The following TEX52 variants were observed in gnomAD, a reference collection of about 807,000 sequenced individuals.
TEX52 encodes testis expressed 52, also known as testis-expressed protein 52.
In TEX52, 22 loss-of-function variants were observed where a neutral mutation model predicts 17.6. That is an observed-to-expected ratio of 1.25 (90% CI 0.89 to 1.78). TEX52 has a LOEUF of 1.78. TEX52 is among the 40% of genes most tolerant of loss of function. The probability of loss-of-function intolerance (pLI) is 0.00; values close to 1 mark genes in which losing one functional copy is unlikely to be tolerated. For missense variants in TEX52, 396 were observed against 372.3 expected, an observed-to-expected ratio of 1.06 and a Z score of -0.52; for synonymous variants, 168 against 147.4, an observed-to-expected ratio of 1.14 and a Z score of -1.01.
chr12:2,853,568 C>T (rs11062384), intron 2 of TEX52, among the ~76,000 whole-genome samples: 22,041 of 151,688 alleles, frequency 0.15, 1,684 homozygotes, highest in South Asian at 0.29. Flanking sequence ...CCACCAGGCC[C>T]GGCCTGTTTT....
chr12:2,849,855 C>T (rs899888585), intron 2 of TEX52, among the ~76,000 whole-genome samples: 1 of 152,202 alleles, frequency 6.6e-6, no homozygotes, highest in African/African-American at 2.4e-5. Flanking sequence ...TCCACTAATG[C>T]AGTGACAGTG....
chr12:2,852,458 C>G (rs2098074159), intron 2 of TEX52, among the ~76,000 whole-genome samples: 1 of 152,140 alleles, frequency 6.6e-6, no homozygotes, highest in Non-Finnish European at 1.5e-5. Flanking sequence ...CCTCGACCTC[C>G]TGGGCTCAGA....
chr12:2,847,957 G>A (rs1469083319), downstream of TEX52, among the ~76,000 whole-genome samples: 1 of 152,180 alleles, frequency 6.6e-6, no homozygotes, highest in Non-Finnish European at 1.5e-5. Flanking sequence ...CTGATTGACA[G>A]CTTCATTTCT....
chr12:2,848,589 G>A (rs2098059659), downstream of TEX52, among the ~76,000 whole-genome samples: 1 of 152,076 alleles, frequency 6.6e-6, no homozygotes, highest in Admixed American at 6.6e-5. Context: ...GACCTGGTTA[G>A]CCTTCCTGGG....
chr12:2,853,714 C>A (rs181974370), intron 2 of TEX52, among the ~76,000 whole-genome samples: 9 of 152,110 alleles, frequency 5.9e-5, no homozygotes, highest in Admixed American at 5.9e-4. Context: ...TCATTGCCTT[C>A]CCCCTTTCTT....
intron 2 of TEX52, among the ~76,000 whole-genome samples, chr12:2,853,693 G>A (rs898164082): frequency 6.6e-6 from 1 of 152,052 alleles, no homozygotes; most frequent in Non-Finnish European, 1.5e-5. Flanking sequence ...TGGAATTTGA[G>A]ACATTCCTTT....
chr12:2,850,301 C>G (rs1458885210), intron 2 of TEX52, among the ~76,000 whole-genome samples: 3 of 151,968 alleles, frequency 2.0e-5, no homozygotes, highest in Non-Finnish European at 4.4e-5. Context: ...TGATGAAACT[C>G]CGTCTCTACT....
intron 1 of TEX52, 127 bp downstream of exon 1, chr12:2,856,828 G>A: frequency 1.5e-6 from 1 of 653,180 alleles, no homozygotes; most frequent in Admixed American, 2.3e-5. Flanking sequence ...ATGAAAAGGG[G>A]AAGACAGCAG....
downstream of TEX52, chr12:2,848,987 G>A (rs1813660629): frequency 2.0e-6 from 1 of 497,622 alleles, no homozygotes; most frequent in Admixed American, 3.7e-5. Context: ...CAGCCTCCTG[G>A]CCGCAGTCCT....
At chr12:2,855,787 T>G (rs551827886) in intron 1 of TEX52, among the ~76,000 whole-genome samples, 2 of 152,278 alleles carry the variant, frequency 1.3e-5, no homozygotes, top group South Asian at 2.1e-4. Flanking sequence ...CTGGTGCTCC[T>G]TAGAGGGCAC....
intron 1 of TEX52, among the ~76,000 whole-genome samples, chr12:2,856,373 T>C (rs2098087294): frequency 1.3e-5 from 2 of 152,168 alleles, no homozygotes; most frequent in Admixed American, 6.5e-5. Flanking sequence ...CAGGGATGTT[T>C]TCTTTTTTTA....
intron 2 of TEX52, among the ~76,000 whole-genome samples, chr12:2,850,978 CTTTTT>C (rs35125854): frequency 1.2e-5 from 1 of 81,666 alleles, no homozygotes; most frequent in African/African-American, 5.5e-5. Flanking sequence ...GGCCCAGAGT[CTTTTT>C]TTTTTTTTTT....
At chr12:2,853,019 A>AAC (rs1565450590) in intron 2 of TEX52, among the ~76,000 whole-genome samples, 49 of 142,830 alleles carry the variant, frequency 3.4e-4, no homozygotes, top group African/African-American at 1.2e-3. Flanking sequence ...GAAACAACAA[A>AAC]AAAAAACGGG....
intron 1 of TEX52, among the ~76,000 whole-genome samples, chr12:2,856,460 G>A (rs1264761607): frequency 5.3e-5 from 8 of 152,162 alleles, no homozygotes; most frequent in Admixed American, 5.2e-4. Context: ...CCACCTCCCG[G>A]GTTCAAGTGA....
At chr12:2,855,607 T>C (rs1222437725) in intron 1 of TEX52, among the ~76,000 whole-genome samples, 161 bp from the exon 2 acceptor site, 1 of 152,202 alleles carries the variant, frequency 6.6e-6, no homozygotes, top group African/African-American at 2.4e-5. Flanking sequence ...ATCCCTCTCC[T>C]TCCCGGCGGA....
chr12:2,854,517 T>C (rs1011780232), intron 2 of TEX52, among the ~76,000 whole-genome samples: 3 of 152,212 alleles, frequency 2.0e-5, no homozygotes, highest in African/African-American at 7.2e-5. Flanking sequence ...ACTCCAGTTC[T>C]TTACATTAAT....
rs117927346 is a variant in TEX52 at position 2,855,059 on chromosome 12, T to C, written c.460A>G (p.Ile154Val). The change falls in exon 2 of 3, where the codon ATC (isoleucine) becomes GTC (valine). Residue 154 changes from isoleucine (I) to valine (V), a missense_variant. By Grantham distance (29) the Ile-to-Val change is conservative (BLOSUM62 3). Coordinates refer to ENST00000637658, the MANE Select transcript of TEX52 (RefSeq NM_001365174.2). Reference protein sequence around the residue: ...WMGQNSFLTFIHCYPTFVDMK... With the variant: ...WMGQNSFLTFVHCYPTFVDMK... ...TCCACAAACGTGGGATAACAGTGGATGAAGGTCAGGAAGCTGTTTTGCCCC... is the reference window on the plus strand; with the variant it reads ...TCCACAAACGTGGGATAACAGTGGACGAAGGTCAGGAAGCTGTTTTGCCCC... 2.6e-6 allele frequency: 4 copies of C among 1,535,712 alleles called. No individual in the cohort carries two copies. The East Asian group carries it at 9.8e-5, about 38-fold the overall frequency.
intron 2 of TEX52, among the ~76,000 whole-genome samples, chr12:2,854,059 CTT>C (rs1565451785): frequency 6.6e-6 from 1 of 152,198 alleles, no homozygotes; most frequent in Non-Finnish European, 1.5e-5. Flanking sequence ...GAGTTTCTCT[CTT>C]GTTGCCCCGG....
At chr12:2,848,895 A>ACG (rs2098061089), downstream of TEX52, 2 of 332,630 alleles carry the variant, frequency 6.0e-6, no homozygotes, top group African/African-American at 4.4e-5. Flanking sequence ...ACACACACAC[A>ACG]CACACACACA....
Sources: gnomAD v4.1 joint callset for allele counts (sites outside exome capture counted in the v4.1 genomes callset) on GRCh38, gnomAD v4.1.1 for gene constraint, MANE v1.5 for transcripts, NCBI Gene and HGNC (gene_info 2026-07-23, HGNC 2026-07-21) for gene names.